Variants in PCNX2 observed in about 807,000 individuals in gnomAD.
PCNX2 encodes pecanex-like protein 2.
PCNX2 carries 168 observed loss-of-function variants against 223.8 expected under a neutral mutation model. The observed-to-expected ratio is 0.75, with a 90% CI of 0.66 to 0.85. The LOEUF is 0.85. PCNX2 is among the 40% of genes least tolerant of loss of function. The pLI, the probability that PCNX2 is intolerant of heterozygous loss-of-function variation, is 0.00. For synonymous variants in PCNX2, 1,006 were observed against 1,052.6 expected, an observed-to-expected ratio of 0.96 and a Z score of 0.86; for missense variants, 2,507 against 2,675.5, an observed-to-expected ratio of 0.94 and a Z score of 1.39.
intron 17 of PCNX2, among the ~76,000 whole-genome samples, chr1:233,170,387 C>T (rs906554223): frequency 6.6e-6 from 1 of 152,088 alleles, no homozygotes; most frequent in Admixed American, 6.6e-5. Flanking sequence ...TTGGAGTTTT[C>T]TGATGATTAA....
chr1:233,241,638 T>C (rs760560140), intron 8 of PCNX2, among the ~76,000 whole-genome samples: 16 of 152,152 alleles, frequency 1.1e-4, no homozygotes, highest in Non-Finnish European at 2.2e-4. Context: ...TTTTTCAAAT[T>C]TGAAGCAGCA....
chr1:233,264,739 G>T (rs938218573), intron 1 of PCNX2, among the ~76,000 whole-genome samples: 1 of 151,988 alleles, frequency 6.6e-6, no homozygotes, highest in Non-Finnish European at 1.5e-5. Context: ...TTTACAAAAG[G>T]TGCATTTGTA....
In PCNX2 at chr1:233,176,461, C is replaced by G. The variant is rs1054550506; in HGVS notation, c.3273+1341G>C. Among the ~76,000 whole-genome samples, 5 of 152,300 alleles carry G rather than the reference C, an allele frequency of 3.3e-5. 1 individual carries two copies. In the Middle Eastern group the frequency reaches 0.017, roughly 518 times the overall value. The stretch of plus-strand genomic sequence containing the variant: ...CCCCAAGCAATCGCTATGCAGACAT[C>G]AACTTTGAAAGAATGCTCTGAACTA... On this transcript the variant is annotated intron_variant, in intron 17 of 33. Coordinates refer to ENST00000258229, the MANE Select transcript of PCNX2 (RefSeq NM_014801.4).
At chr1:233,226,953 A>G (rs899049353) in intron 10 of PCNX2, among the ~76,000 whole-genome samples, 1 of 152,142 alleles carries the variant, frequency 6.6e-6, no homozygotes, top group Non-Finnish European at 1.5e-5. Flanking sequence ...CTTATTTCTT[A>G]TTGTAACTTA....
chr1:233,008,193 C>T (rs1429140864), intron 28 of PCNX2, among the ~76,000 whole-genome samples: 1 of 152,170 alleles, frequency 6.6e-6, no homozygotes, highest in Admixed American at 6.5e-5. Context: ...GAAGTTACTC[C>T]ATTGGCTCTA....
chr1:233,297,736 A>G (rs1418010912), upstream of PCNX2, among the ~76,000 whole-genome samples: 1 of 152,220 alleles, frequency 6.6e-6, no homozygotes, highest in Non-Finnish European at 1.5e-5. Context: ...TGGGCCATAC[A>G]AAGTTCTTCA....
intron 12 of PCNX2, among the ~76,000 whole-genome samples, chr1:233,211,262 T>C (rs914211140): frequency 6.6e-6 from 1 of 152,148 alleles, no homozygotes; most frequent in Admixed American, 6.5e-5. Context: ...CCAGGCTTCA[T>C]TCCCTGGGAC....
chr1:233,304,771 C>T, the PCNX2 span, among the ~76,000 whole-genome samples: 1 of 152,230 alleles, frequency 6.6e-6, no homozygotes, highest in African/African-American at 2.4e-5. Context: ...TTTAACAGGG[C>T]AAATTCAATA....
intron 16 of PCNX2, among the ~76,000 whole-genome samples, chr1:233,178,137 C>T (rs1679590673): frequency 6.6e-6 from 1 of 152,212 alleles, no homozygotes; most frequent in South Asian, 2.1e-4. Context: ...CCTCTATTGT[C>T]AGCAGTGGGA....
chr1:233,000,355 A>G lies in PCNX2; in HGVS notation c.5278T>C (p.Tyr1760His). ...RHVVDEGADE[Y>H]KVIMLHRSFL... Reference sequence around the variant, plus strand: ...CTTCTGTGGAGCATGATGACCTTGTACTCGTCGGCACCCTCGTCCACCACG... The same window carrying G: ...CTTCTGTGGAGCATGATGACCTTGTGCTCGTCGGCACCCTCGTCCACCACG... Residue 1760 changes from tyrosine to histidine, a missense_variant, in exon 30 of 34, where the codon TAC becomes CAC. Tyr to His is a moderately conservative substitution (Grantham distance 83). Transcript: ENST00000258229. This position sits in a 1 kb window ranked among gnomAD's most constrained non-coding sequence, Gnocchi z 4.6. 7 of 1,613,592 alleles carry G rather than the reference A, an allele frequency of 4.3e-6. No individual in the cohort carries two copies. Among genetic ancestry groups the G allele is most frequent in the Non-Finnish European group, 5.9e-6 (7 of 1,179,700 alleles).
chr1:233,091,743 A>AC (rs936088563), intron 22 of PCNX2, among the ~76,000 whole-genome samples: 1 of 150,802 alleles, frequency 6.6e-6, no homozygotes, highest in Non-Finnish European at 1.5e-5. Context: ...AAAAAAAAAA[A>AC]AAAAAATCAT....
chr1:233,172,261 A>G, intron 17 of PCNX2: 2 of 781,178 alleles, frequency 2.6e-6, no homozygotes, highest in Non-Finnish European at 3.1e-6. Context: ...CATTTTCCCT[A>G]AAAAAACTGG....
chr1:233,024,948 G>A (rs558833329), intron 26 of PCNX2, among the ~76,000 whole-genome samples, 198 bp downstream of exon 26: 1 of 152,310 alleles, frequency 6.6e-6, no homozygotes, highest in South Asian at 2.1e-4. Flanking sequence ...CTTAGGATAT[G>A]ACCCAGGGCA....
chr1:233,099,076 T>C (rs1316976564), intron 21 of PCNX2, among the ~76,000 whole-genome samples: 1 of 152,164 alleles, frequency 6.6e-6, no homozygotes, highest in Non-Finnish European at 1.5e-5. Context: ...TCAGAGAGAT[T>C]AAGTGGATTG....
At chr1:233,053,551 C>T (rs1240927354) in intron 25 of PCNX2, among the ~76,000 whole-genome samples, 1 of 152,156 alleles carries the variant, frequency 6.6e-6, no homozygotes, top group Non-Finnish European at 1.5e-5. Context: ...TTTTATGTCA[C>T]GTGTCCATTG....
intron 12 of PCNX2, among the ~76,000 whole-genome samples, chr1:233,216,681 A>G (rs558719259): frequency 6.6e-6 from 1 of 152,322 alleles, no homozygotes; most frequent in South Asian, 2.1e-4. Context: ...CTATTTGAAT[A>G]TGATCCAGCA....
At chr1:233,286,442 G>A (rs1661450402) in intron 1 of PCNX2, among the ~76,000 whole-genome samples, 2 of 152,200 alleles carry the variant, frequency 1.3e-5, no homozygotes, top group African/African-American at 2.4e-5. Flanking sequence ...TAGCTGCTTT[G>A]ATGGAGGTAT....
chr1:233,307,347 T>C, the PCNX2 span, among the ~76,000 whole-genome samples: 1 of 152,158 alleles, frequency 6.6e-6, no homozygotes, highest in African/African-American at 2.4e-5. Context: ...TCTTAGTTCC[T>C]GGGAGAATTG....
At chr1:233,141,045 A>T (rs1183840481) in intron 19 of PCNX2, among the ~76,000 whole-genome samples, 1 of 152,216 alleles carries the variant, frequency 6.6e-6, no homozygotes, top group Non-Finnish European at 1.5e-5. Context: ...ATAGTAAAAA[A>T]AAAAACTTTA....
Sources: gnomAD v4.1 joint callset for allele counts (sites outside exome capture counted in the v4.1 genomes callset) on GRCh38, gnomAD v4.1.1 for gene constraint, Gnocchi (gnomAD v3.1) non-coding constraint, MANE v1.5 for transcripts, NCBI Gene and HGNC (gene_info 2026-07-23, HGNC 2026-07-21) for gene names.